Variants in GPC5 observed in about 807,000 individuals in gnomAD.
GPC5 encodes glypican 5, also known as glypican-5.
Under a neutral mutation model 53.9 loss-of-function variants are expected in GPC5, and 47 were observed. That is an observed-to-expected ratio of 0.87 (90% CI 0.69 to 1.11). The LOEUF is 1.11. Ranked by LOEUF, GPC5 falls within the 50% of genes most tolerant of loss-of-function variation. GPC5 has a pLI of 0.00. For missense variants in GPC5, 748 were observed against 713.1 expected (o/e 1.05, Z -0.56); for synonymous variants, 286 against 263.3 (o/e 1.09, Z -0.84).
chr13:92,150,555 A>G (rs2041899678), intron 7 of GPC5, among the ~76,000 whole-genome samples: 1 of 152,062 alleles, frequency 6.6e-6, no homozygotes, highest in Non-Finnish European at 1.5e-5. Context: ...GAATGTAGAT[A>G]CCTAATGAAT....
At chr13:92,840,305 G>A (rs1484677022) in intron 7 of GPC5, among the ~76,000 whole-genome samples, 1 of 151,610 alleles carries the variant, frequency 6.6e-6, no homozygotes, top group Non-Finnish European at 1.5e-5. Context: ...AATATGAGTT[G>A]CTTCCTCTTT....
intron 7 of GPC5, among the ~76,000 whole-genome samples, chr13:92,399,664 A>G (rs1467758564): frequency 1.3e-5 from 2 of 152,208 alleles, no homozygotes; most frequent in African/African-American, 4.8e-5. Flanking sequence ...GCATATTGCA[A>G]TATTGAGCAC....
chr13:92,673,312 C>T (rs1886818803), intron 7 of GPC5, among the ~76,000 whole-genome samples: 1 of 148,362 alleles, frequency 6.7e-6, no homozygotes, highest in Non-Finnish European at 1.5e-5. Flanking sequence ...GATGGAATCT[C>T]GCTCTGTCGC....
At chr13:92,235,179 A>G (rs2042561094) in intron 7 of GPC5, among the ~76,000 whole-genome samples, 1 of 152,140 alleles carries the variant, frequency 6.6e-6, no homozygotes, top group African/African-American at 2.4e-5. Flanking sequence ...TACTTACTCC[A>G]GGATCTCTAT....
chr13:92,171,370 A>G (rs910709689), intron 7 of GPC5, among the ~76,000 whole-genome samples: 3 of 151,692 alleles, frequency 2.0e-5, no homozygotes, highest in Non-Finnish European at 4.4e-5. Context: ...CAATAAATAT[A>G]CTACACACAC....
chr13:92,823,579 A>G (rs958369465), intron 7 of GPC5, among the ~76,000 whole-genome samples: 2 of 152,106 alleles, frequency 1.3e-5, no homozygotes, highest in African/African-American at 4.8e-5. Context: ...AATGTACTAA[A>G]GCAAAATCCC....
intron 7 of GPC5, among the ~76,000 whole-genome samples, chr13:92,267,284 C>A (rs1031843933): frequency 2.0e-5 from 3 of 151,990 alleles, no homozygotes; most frequent in Non-Finnish European, 4.4e-5. Flanking sequence ...ATTATATACT[C>A]TTTATTATCT....
intron 7 of GPC5, among the ~76,000 whole-genome samples, chr13:92,378,331 G>C (rs750909881): frequency 8.5e-5 from 13 of 152,158 alleles, no homozygotes; most frequent in Non-Finnish European, 1.5e-4. Flanking sequence ...TTATACAAAG[G>C]AGTCCACTAC....
intron 7 of GPC5, among the ~76,000 whole-genome samples, chr13:92,697,813 T>G (rs1256353480): frequency 6.6e-6 from 1 of 152,224 alleles, no homozygotes; most frequent in African/African-American, 2.4e-5. Flanking sequence ...GCCCATTCAG[T>G]ATGATACTGG....
At chr13:92,429,978 T>G (rs1432633543) in intron 7 of GPC5, among the ~76,000 whole-genome samples, 2 of 151,996 alleles carry the variant, frequency 1.3e-5, no homozygotes, top group Non-Finnish European at 2.9e-5. Context: ...ATTTTAAGTA[T>G]TGCCATCACA....
chr13:92,459,905 T>C (rs543975826), intron 7 of GPC5, among the ~76,000 whole-genome samples: 33 of 152,294 alleles, frequency 2.2e-4, no homozygotes, highest in African/African-American at 7.7e-4. Context: ...AGAAAATTTA[T>C]TTTTTTCTGC....
intron 2 of GPC5, among the ~76,000 whole-genome samples, chr13:91,671,951 C>T (rs935080148): frequency 6.6e-6 from 1 of 152,044 alleles, no homozygotes; most frequent in Non-Finnish European, 1.5e-5. Flanking sequence ...CATCTACAAC[C>T]ATCTGATCTT....
intron 1 of GPC5, 33 bp downstream of exon 1, chr13:91,399,242 G>A: frequency 6.3e-7 from 1 of 1,599,692 alleles, no homozygotes; most frequent in Non-Finnish European, 8.5e-7. Context: ...CTGGACTGGC[G>A]GCGTCCGAGC....
At chr13:92,791,394 T>G (rs1876456004) in intron 7 of GPC5, among the ~76,000 whole-genome samples, 1 of 146,572 alleles carries the variant, frequency 6.8e-6, no homozygotes, top group Non-Finnish European at 1.5e-5. Context: ...TACGTGTGTG[T>G]AACTTTGTGA....
chr13:92,827,056 G>T (rs1877873598), intron 7 of GPC5, among the ~76,000 whole-genome samples: 1 of 152,040 alleles, frequency 6.6e-6, no homozygotes, highest in Non-Finnish European at 1.5e-5. Context: ...TTCTTAAAAA[G>T]TATTATTTTG....
At chr13:92,776,560 G>T (rs1875815113) in intron 7 of GPC5, among the ~76,000 whole-genome samples, 1 of 152,170 alleles carries the variant, frequency 6.6e-6, no homozygotes, top group Admixed American at 6.5e-5. Flanking sequence ...ATGGGGAGAG[G>T]CAGTCATTGT....
chr13:92,321,060 T>TA (rs11463179), intron 7 of GPC5, among the ~76,000 whole-genome samples: 75,475 of 151,960 alleles, frequency 0.5, 21,066 homozygotes, highest in African/African-American at 0.77. Flanking sequence ...ACTACCTTCC[T>TA]AAAAGTATGT....
intron 1 of GPC5, among the ~76,000 whole-genome samples, chr13:91,418,522 T>A (rs1878391400): frequency 6.6e-6 from 1 of 152,146 alleles, no homozygotes; most frequent in Non-Finnish European, 1.5e-5. Context: ...GAGTATAGAT[T>A]GTGCTTCTTG....
At chr13:92,288,085 T>A (rs568650653) in intron 7 of GPC5, among the ~76,000 whole-genome samples, 18 of 152,240 alleles carry the variant, frequency 1.2e-4, no homozygotes, top group Non-Finnish European at 2.2e-4. Flanking sequence ...TCTATTTAAA[T>A]CTCTCTTCAT....
Sources: gnomAD v4.1 joint callset for allele counts (sites outside exome capture counted in the v4.1 genomes callset) on GRCh38, gnomAD v4.1.1 for gene constraint, MANE v1.5 for transcripts, NCBI Gene and HGNC (gene_info 2026-07-23, HGNC 2026-07-21) for gene names.